GRIP1: variants seen among roughly 807,000 people sequenced by gnomAD.
GRIP1 encodes glutamate receptor-interacting protein 1.
A neutral mutation model predicts 129.9 loss-of-function variants in GRIP1; 45 were observed. The ratio of observed to expected loss-of-function variants is 0.35; its 90% confidence interval spans 0.27 to 0.44. The LOEUF is 0.44. Ranked by LOEUF, GRIP1 falls within the 20% of genes least tolerant of loss-of-function variation. The pLI, the probability that GRIP1 is intolerant of heterozygous loss-of-function variation, is 1.00. For synonymous variants in GRIP1, 530 were observed against 520.8 expected (o/e 1.02, Z -0.24); for missense variants, 1,196 against 1,396.8 (o/e 0.86, Z 2.29).
intron 9 of GRIP1, among the ~76,000 whole-genome samples, chr12:66,462,320 C>T (rs2059158075): frequency 6.6e-6 from 1 of 152,174 alleles, no homozygotes; most frequent in African/African-American, 2.4e-5. Flanking sequence ...CTATTAAAAT[C>T]CACTTTACTT....
intron 7 of GRIP1, among the ~76,000 whole-genome samples, chr12:66,500,408 A>T (rs985136511): frequency 3.9e-5 from 6 of 152,226 alleles, no homozygotes; most frequent in African/African-American, 1.4e-4. Flanking sequence ...ACAACAAAAA[A>T]CAAATCTAGC....
intron 2 of GRIP1, among the ~76,000 whole-genome samples, chr12:66,574,794 T>G (rs985864221): frequency 6.6e-6 from 1 of 151,108 alleles, no homozygotes; most frequent in South Asian, 2.1e-4. Context: ...TTTCTTTTTT[T>G]TTTTTTTAGA....
At chr12:66,902,116 T>TTA (rs2040853527) in intron 1 of GRIP1, among the ~76,000 whole-genome samples, 1 of 152,084 alleles carries the variant, frequency 6.6e-6, no homozygotes, top group Admixed American at 6.6e-5. Flanking sequence ...AACTAGTTCT[T>TTA]TACAGTGGTG....
At chr12:66,839,604 A>T (rs2039678198) in intron 1 of GRIP1, among the ~76,000 whole-genome samples, 1 of 152,206 alleles carries the variant, frequency 6.6e-6, no homozygotes, top group Admixed American at 6.5e-5. Flanking sequence ...AGCATGAAAA[A>T]CAATGAAGAA....
intron 15 of GRIP1, among the ~76,000 whole-genome samples, chr12:66,408,934 A>T (rs536106452): frequency 3.3e-5 from 5 of 151,878 alleles, no homozygotes; most frequent in Admixed American, 2.6e-4. Flanking sequence ...AGGGGGAGAG[A>T]CTTCTCTCCT....
chr12:66,931,316 T>C (rs2041391810), intron 1 of GRIP1, among the ~76,000 whole-genome samples: 1 of 152,164 alleles, frequency 6.6e-6, no homozygotes, highest in Non-Finnish European at 1.5e-5. Flanking sequence ...TCAATGCCAA[T>C]GATCTCATCA....
intron 1 of GRIP1, among the ~76,000 whole-genome samples, chr12:67,040,009 G>C (rs1027946199): frequency 6.6e-6 from 1 of 151,960 alleles, no homozygotes. Flanking sequence ...TAAGCTGTTC[G>C]CTCTCCTCCC....
At chr12:66,479,483 T>C (rs964554787) in intron 7 of GRIP1, among the ~76,000 whole-genome samples, 2 of 152,040 alleles carry the variant, frequency 1.3e-5, no homozygotes, top group Non-Finnish European at 2.9e-5. Flanking sequence ...CCGAATTCTA[T>C]TACAGGTACA....
intron 1 of GRIP1, among the ~76,000 whole-genome samples, chr12:66,939,009 C>A (rs1191391847): frequency 2.1e-5 from 3 of 144,102 alleles, no homozygotes; most frequent in Non-Finnish European, 4.7e-5. Context: ...GCAGGTAAAG[C>A]GGCTGGAGGA....
intron 1 of GRIP1, among the ~76,000 whole-genome samples, chr12:66,839,308 T>C (rs764818289): frequency 1.3e-5 from 2 of 152,080 alleles, no homozygotes; most frequent in African/African-American, 4.8e-5. Flanking sequence ...TTAGGGACCA[T>C]TATGGGAAAA....
chr12:66,928,424 C>G (rs978690205), intron 1 of GRIP1, among the ~76,000 whole-genome samples: 10 of 152,156 alleles, frequency 6.6e-5, no homozygotes, highest in Non-Finnish European at 1.3e-4. Flanking sequence ...CTCCAGAACA[C>G]TTAGAAGTAC....
chr12:67,022,643 T>C (rs1401124629), intron 1 of GRIP1, among the ~76,000 whole-genome samples: 2 of 152,226 alleles, frequency 1.3e-5, no homozygotes, highest in Non-Finnish European at 2.9e-5. Context: ...TAGATTTGTA[T>C]AGGTAGCTCA....
upstream of GRIP1, among the ~76,000 whole-genome samples, chr12:66,681,962 G>A (rs912574677): frequency 4.6e-5 from 7 of 152,110 alleles, no homozygotes; most frequent in Non-Finnish European, 8.8e-5. Context: ...ATCATGGAGC[G>A]ACTCTGTTAT....
intron 1 of GRIP1, among the ~76,000 whole-genome samples, chr12:66,798,499 C>T (rs1489416488): frequency 6.6e-6 from 1 of 152,078 alleles, no homozygotes; most frequent in Admixed American, 6.6e-5. Flanking sequence ...CAGTAACTTG[C>T]CTTGTCTGGA....
intron 22 of GRIP1, among the ~76,000 whole-genome samples, chr12:66,375,331 A>C (rs1242386790): frequency 6.6e-6 from 1 of 152,158 alleles, no homozygotes; most frequent in South Asian, 2.1e-4. Flanking sequence ...ATGATTAGTA[A>C]ATTAATTTTC....
intron 20 of GRIP1, among the ~76,000 whole-genome samples, chr12:66,378,464 T>C (rs1019793427): frequency 7.7e-6 from 1 of 129,540 alleles, no homozygotes; most frequent in African/African-American, 3.0e-5. Flanking sequence ...AAATAAAAAA[T>C]AGGCTGGGCA....
chr12:66,605,318 C>T (rs1246043231), intron 1 of GRIP1, among the ~76,000 whole-genome samples: 2 of 151,774 alleles, frequency 1.3e-5, no homozygotes, highest in African/African-American at 2.4e-5. Context: ...TAATGTAAAC[C>T]GTAGAGAAAA....
chr12:66,599,178 G>A (rs993384074), intron 1 of GRIP1, among the ~76,000 whole-genome samples: 1 of 152,166 alleles, frequency 6.6e-6, no homozygotes, highest in African/African-American at 2.4e-5. Context: ...AGTATCAAGA[G>A]TGAACTTACT....
intron 19 of GRIP1, 145 bp from the exon 20 acceptor site, chr12:66,379,581 A>G (rs2137382802): frequency 2.4e-6 from 2 of 848,922 alleles, no homozygotes; most frequent in Admixed American, 3.7e-5. Context: ...ATTGTGCACC[A>G]AAGACTTCAC....
Sources: allele counts gnomAD v4.1 joint callset (sites outside exome capture counted in the v4.1 genomes callset), GRCh38; gene constraint gnomAD v4.1.1; transcripts MANE v1.5; gene names NCBI Gene and HGNC (gene_info 2026-07-23, HGNC 2026-07-21).